Variants in ULK2 observed in about 807,000 individuals in gnomAD.
ULK2 encodes the protein serine/threonine-protein kinase ULK2.
In ULK2, 76 loss-of-function variants were observed where a neutral mutation model predicts 127.5. The observed-to-expected ratio is 0.60, with a 90% CI of 0.50 to 0.72. ULK2 has a LOEUF of 0.72. Among genes scored for constraint, ULK2 ranks in the 30% least tolerant of loss-of-function variants. The pLI is 0.00. For missense variants in ULK2, 1,144 were observed against 1,295.9 expected, an observed-to-expected ratio of 0.88 and a Z score of 1.80; for synonymous variants, 452 against 461.9, an observed-to-expected ratio of 0.98 and a Z score of 0.28.
intron 12 of ULK2, among the ~76,000 whole-genome samples, chr17:19,820,652 A>ATGGCCATGGAGAGCTAGAGTTCCTTCAG (rs1383387961): frequency 1.3e-5 from 2 of 152,198 alleles, no homozygotes; most frequent in Non-Finnish European, 2.9e-5. Context: ...TTAAATGTAA[A>ATGGCCATGGAGAGCTAGAGTTCCTTCAG]TGGCCATGGA....
At chr17:19,804,868 G>A in intron 14 of ULK2, 38 bp from the exon 15 acceptor site, 2 of 1,597,436 alleles carry the variant, frequency 1.3e-6, no homozygotes, top group African/African-American at 1.3e-5. Flanking sequence ...AAGAAACAGT[G>A]GTAGGATTGT....
At chr17:19,802,665 C>T (rs2087424859) in intron 15 of ULK2, among the ~76,000 whole-genome samples, 1 of 152,104 alleles carries the variant, frequency 6.6e-6, no homozygotes, top group South Asian at 2.1e-4. Flanking sequence ...ATTTTGGTAG[C>T]CTTTTCAGGT....
chr17:19,851,009 T>G (rs1378485964), intron 3 of ULK2, among the ~76,000 whole-genome samples: 1 of 151,424 alleles, frequency 6.6e-6, no homozygotes, highest in Non-Finnish European at 1.5e-5. Flanking sequence ...GGAGAATTCA[T>G]CTCTACTAAC....
chr17:19,778,325 T>C (rs205098), intron 25 of ULK2, among the ~76,000 whole-genome samples: 143,792 of 152,262 alleles, frequency 0.94, 68,067 homozygotes, highest in Non-Finnish European at 0.97. Context: ...TGATACGGAA[T>C]ACATAGGGGA....
In ULK2 at chr17:19,865,847, G is replaced by A. The variant is rs1292206989; in HGVS notation, c.91-19C>T. 1.4e-6 allele frequency: 2 copies of A among 1,426,638 alleles called. No individual in the cohort carries two copies. Among genetic ancestry groups the A allele is most frequent in the East Asian group, 2.3e-5 (1 of 43,206 alleles). 88.4% of individuals were successfully genotyped at this position (1,426,638 alleles called of 1,614,324 possible). The stretch of plus-strand genomic sequence containing the variant: ...CAGTTTTCTGAAAAGGAAAAACAGT[G>A]TTACTCCTAGATACCATTCCACATA... On this transcript the variant is annotated intron_variant, in intron 1 of 26. Transcript: ENST00000395544.
chr17:19,829,838 C>CA (rs60131689), intron 10 of ULK2, among the ~76,000 whole-genome samples: 76,978 of 119,282 alleles, frequency 0.65, 25,313 homozygotes, highest in Middle Eastern at 0.79. Context: ...GACTCCATTT[C>CA]AAAAAAAAAA....
intron 25 of ULK2, 59 bp from the exon 26 acceptor site, chr17:19,777,775 T>C (rs1193553068): frequency 2.6e-6 from 4 of 1,557,396 alleles, no homozygotes; most frequent in Admixed American, 2.0e-5. Flanking sequence ...TACAAATCCA[T>C]TTGGGCAATG....
chr17:19,777,613 T>C lies in ULK2; in HGVS notation c.3020A>G (p.Gln1007Arg). Reference sequence around the variant, plus strand: ...CACATTTTCAATATCTGCAGGGTCCTGTAGAATCCTACTTAGGCCTTCCAA... The same window carrying C: ...CACATTTTCAATATCTGCAGGGTCCCGTAGAATCCTACTTAGGCCTTCCAA... ...LLLEGLSRILQDPADIENVHK... is the reference protein window; with the variant it reads ...LLLEGLSRILRDPADIENVHK... Residue 1007 changes from glutamine (Q) to arginine (R), a missense_variant, in exon 26 of 27, where the codon CAG (glutamine) becomes CGG (arginine). Gln to Arg is a conservative substitution (Grantham distance 43). This residue lies in a region of ULK2 where 913 missense variants were observed against 970.5 expected (regional missense o/e 0.94). Coordinates refer to ENST00000395544, the MANE Select transcript of ULK2 (RefSeq NM_014683.4). The C allele has an allele frequency of 6.2e-7, 1 of 1,613,390 alleles. No individual in the cohort carries two copies. The highest frequency in any genetic ancestry group is 8.5e-7 in the Non-Finnish European group (1 of 1,179,840).
chr17:19,845,260 T>C, intron 7 of ULK2, 44 bp downstream of exon 7: 6 of 1,529,088 alleles, frequency 3.9e-6, no homozygotes, highest in Non-Finnish European at 5.4e-6. Flanking sequence ...CCAATGATTA[T>C]GGAGCCATGC....
chr17:19,839,835 G>GAGC (rs1297152870), intron 9 of ULK2, among the ~76,000 whole-genome samples: 1 of 152,014 alleles, frequency 6.6e-6, no homozygotes, highest in Non-Finnish European at 1.5e-5. Flanking sequence ...GAGGGAAAAG[G>GAGC]AGCAGTCTTC....
chr17:19,845,944 A>C (rs951433406), intron 6 of ULK2, among the ~76,000 whole-genome samples: 5 of 151,874 alleles, frequency 3.3e-5, no homozygotes, highest in Non-Finnish European at 7.4e-5. Context: ...CCCTGTCTCT[A>C]CTGAAAAAAA....
At chr17:19,804,600 T>C (rs2087472954) in intron 15 of ULK2, 93 bp downstream of exon 15, 1 of 1,393,770 alleles carries the variant, frequency 7.2e-7, no homozygotes, top group Non-Finnish European at 9.6e-7. Flanking sequence ...TGTAAGACAC[T>C]ATGCCACAGA....
At chr17:19,857,179 C>CAT (rs1446034921) in intron 3 of ULK2, among the ~76,000 whole-genome samples, 1 of 151,090 alleles carries the variant, frequency 6.6e-6, no homozygotes, top group Non-Finnish European at 1.5e-5. Context: ...GGTGGCGGGG[C>CAT]GCCTGTAATC....
chr17:19,781,833 C>T, intron 23 of ULK2, 56 bp downstream of exon 23: 1 of 1,564,288 alleles, frequency 6.4e-7, no homozygotes, highest in East Asian at 2.3e-5. Context: ...ACAACTTAGA[C>T]ACAAGTTTAG....
rs1440876429 is a variant in ULK2, at chr17:19,860,522, CTCT to C, written c.225+4278_225+4280del. On this transcript the variant is annotated intron_variant, in intron 3 of 26. Coordinates refer to ENST00000395544, the MANE Select transcript of ULK2 (RefSeq NM_014683.4). ...AATACTTAAGACATTTGATTAATAC[CTCT>C]TTTTTTTTTTTTTTTTGAGACGGAG... Among the ~76,000 whole-genome samples the C allele has an allele frequency of 3.5e-3, 524 of 150,804 alleles. 2 individuals carry two copies. The highest frequency in any genetic ancestry group is 0.012 in the African/African-American group (503 of 41,176).
At chr17:19,825,218 G>A (rs777824140) in intron 11 of ULK2, 36 bp from the exon 12 acceptor site, 16 of 1,576,654 alleles carry the variant, frequency 1.0e-5, no homozygotes, top group Non-Finnish European at 1.4e-5. Context: ...ACATCATTTT[G>A]TAGTGCAGTC....
intron 10 of ULK2, among the ~76,000 whole-genome samples, chr17:19,838,178 TCCCCACCCCCA>T (rs1429721838): frequency 1.3e-5 from 2 of 151,300 alleles, no homozygotes; most frequent in South Asian, 2.1e-4. Context: ...AAAATTTCAA[TCCCCACCCCCA>T]CCCCACCCCC....
intron 16 of ULK2, among the ~76,000 whole-genome samples, chr17:19,800,256 C>T (rs191254210): frequency 2.0e-5 from 3 of 152,322 alleles, no homozygotes; most frequent in Non-Finnish European, 1.5e-5. Context: ...AAGTCACTCT[C>T]TTGTATATCT....
chr17:19,780,722 G>C (rs987003969), intron 24 of ULK2, 93 bp from the exon 25 acceptor site: 68 of 1,289,492 alleles, frequency 5.3e-5, no homozygotes, highest in Admixed American at 4.1e-4. Context: ...TATAGGGAAG[G>C]TGTCACTATG....
Sources: allele counts gnomAD v4.1 joint callset (sites outside exome capture counted in the v4.1 genomes callset), GRCh38; gene constraint gnomAD v4.1.1; regional missense constraint gnomAD v4.1.1; transcripts MANE v1.5; gene names NCBI Gene and HGNC (gene_info 2026-07-23, HGNC 2026-07-21).